Variants in RSRC1 observed in about 807,000 individuals in gnomAD.
RSRC1 encodes arginine and serine rich coiled-coil 1.
RSRC1 carries 39 observed loss-of-function variants against 49.1 expected under a neutral mutation model. That is an observed-to-expected ratio of 0.79 (90% CI 0.61 to 1.04). RSRC1 has a LOEUF of 1.04. Ranked by LOEUF, RSRC1 falls within the 50% of genes least tolerant of loss-of-function variation. RSRC1 has a pLI of 0.00. For synonymous variants in RSRC1, 143 were observed against 130.8 expected (o/e 1.09, Z -0.63); for missense variants, 388 against 402.4 (o/e 0.96, Z 0.31).
intron 7 of RSRC1, among the ~76,000 whole-genome samples, chr3:158,502,711 A>AT (rs1341892571): frequency 1.3e-5 from 2 of 151,972 alleles, no homozygotes; most frequent in Non-Finnish European, 2.9e-5. Context: ...AGTTTCCTGA[A>AT]TTTTTTATTG....
chr3:158,172,527 A>G (rs1388927716), intron 3 of RSRC1, among the ~76,000 whole-genome samples: 1 of 152,174 alleles, frequency 6.6e-6, no homozygotes, highest in Admixed American at 6.5e-5. Context: ...GAAATATGTT[A>G]GTAGCACATC....
At chr3:158,145,276 A>G (rs909701057) in intron 3 of RSRC1, among the ~76,000 whole-genome samples, 6 of 152,202 alleles carry the variant, frequency 3.9e-5, no homozygotes, top group African/African-American at 1.4e-4. Context: ...TCTAAGGTTT[A>G]AGTCTTTAAT....
chr3:158,188,170 G>T (rs1481042654), intron 3 of RSRC1, among the ~76,000 whole-genome samples: 1 of 151,722 alleles, frequency 6.6e-6, no homozygotes, highest in Non-Finnish European at 1.5e-5. Context: ...TCTCCACTCT[G>T]GCTAGTGGGA....
At chr3:158,164,047 GT>G (rs1718397442) in intron 3 of RSRC1, among the ~76,000 whole-genome samples, 1 of 152,050 alleles carries the variant, frequency 6.6e-6, no homozygotes, top group Admixed American at 6.5e-5. Flanking sequence ...TTTCTGTAAA[GT>G]ATATTTTAAA....
chr3:158,469,397 C>T (rs779379933), intron 7 of RSRC1: 1 of 447,922 alleles, frequency 2.2e-6, no homozygotes. Context: ...AAATGATTCC[C>T]ATGATGCATA....
rs1713204920 is a variant in RSRC1, at chr3:158,544,276, G to A, written c.*1G>A. The A allele has an allele frequency of 6.3e-7, 1 of 1,575,718 alleles. No homozygotes were observed. Among genetic ancestry groups the A allele is most frequent in the Non-Finnish European group, 8.7e-7 (1 of 1,148,708 alleles). Reference sequence around the variant, plus strand: ...ACTAATGGGCAGTCCTGTGGCCTAAGTAATATACATATAGTTGGATTGGAT... The same window carrying A: ...ACTAATGGGCAGTCCTGTGGCCTAAATAATATACATATAGTTGGATTGGAT... On this transcript the variant is annotated 3_prime_UTR_variant, in exon 10 of 10. Transcript: ENST00000611884.
chr3:158,302,621 TG>T (rs1578311056), intron 5 of RSRC1: 1 of 148,124 alleles, frequency 6.8e-6, no homozygotes, highest in East Asian at 2.0e-4. Flanking sequence ...AAGTTCTTCT[TG>T]TTCTATCAAA....
chr3:158,228,775 A>ATG (rs1007117667), intron 4 of RSRC1, among the ~76,000 whole-genome samples: 2 of 151,446 alleles, frequency 1.3e-5, no homozygotes, highest in East Asian at 3.9e-4. Flanking sequence ...GTATATATAT[A>ATG]TGTGTGTGTG....
intron 6 of RSRC1, among the ~76,000 whole-genome samples, chr3:158,377,352 A>G (rs545206220): frequency 1.4e-4 from 22 of 152,236 alleles, no homozygotes; most frequent in South Asian, 6.2e-4. Flanking sequence ...ATGATCCCCA[A>G]TGTTGGAGTT....
At chr3:158,262,753 C>T (rs2108038649) in intron 4 of RSRC1, among the ~76,000 whole-genome samples, 1 of 151,932 alleles carries the variant, frequency 6.6e-6, no homozygotes, top group East Asian at 1.9e-4. Context: ...TATTTTGTAG[C>T]ATATACTTTA....
At chr3:158,264,944 C>A (rs572186259) in intron 4 of RSRC1, among the ~76,000 whole-genome samples, 1 of 152,354 alleles carries the variant, frequency 6.6e-6, no homozygotes, top group East Asian at 1.9e-4. Context: ...CCTTTACAGG[C>A]ATGTGCTAAT....
intron 3 of RSRC1, among the ~76,000 whole-genome samples, chr3:158,189,066 C>T (rs1389510620): frequency 6.6e-6 from 1 of 151,710 alleles, no homozygotes; most frequent in Non-Finnish European, 1.5e-5. Flanking sequence ...ATTGTGATTT[C>T]TTCTTTCCCA....
At chr3:158,127,938 T>C (rs1715740769) in intron 3 of RSRC1, among the ~76,000 whole-genome samples, 1 of 152,150 alleles carries the variant, frequency 6.6e-6, no homozygotes, top group Admixed American at 6.5e-5. Context: ...CTCTGGCACC[T>C]CTCCAAAATG....
chr3:158,211,102 A>G (rs1350159394), intron 4 of RSRC1, among the ~76,000 whole-genome samples: 2 of 152,068 alleles, frequency 1.3e-5, no homozygotes, highest in Non-Finnish European at 2.9e-5. Context: ...GTTTCATTAC[A>G]TGGTCTATAA....
chr3:158,139,416 A>AG (rs1166136760), intron 3 of RSRC1, among the ~76,000 whole-genome samples: 1 of 152,016 alleles, frequency 6.6e-6, no homozygotes, highest in Non-Finnish European at 1.5e-5. Context: ...GAAAAAAAAA[A>AG]ATTTTATTTT....
intron 3 of RSRC1, among the ~76,000 whole-genome samples, chr3:158,164,137 CT>C (rs1263885620): frequency 6.6e-6 from 1 of 152,008 alleles, no homozygotes; most frequent in Non-Finnish European, 1.5e-5. Flanking sequence ...TGAATTTTGC[CT>C]GTTGAATGCA....
intron 6 of RSRC1, among the ~76,000 whole-genome samples, chr3:158,404,335 C>T (rs1193972815): frequency 6.6e-6 from 1 of 151,866 alleles, no homozygotes; most frequent in Non-Finnish European, 1.5e-5. Flanking sequence ...GTTTTTCATT[C>T]CAGCAAATCT....
intron 4 of RSRC1, among the ~76,000 whole-genome samples, chr3:158,207,138 G>A (rs956266871): frequency 1.3e-5 from 2 of 152,042 alleles, no homozygotes; most frequent in African/African-American, 4.8e-5. Flanking sequence ...GCCTCTTAAC[G>A]ACACACTATC....
chr3:158,234,308 T>G (rs958545631), intron 4 of RSRC1, among the ~76,000 whole-genome samples: 13 of 152,108 alleles, frequency 8.5e-5, no homozygotes, highest in African/African-American at 3.1e-4. Flanking sequence ...ATCGGGAGAT[T>G]TAAAGGTTAA....
Sources: allele counts gnomAD v4.1 joint callset (sites outside exome capture counted in the v4.1 genomes callset), GRCh38; gene constraint gnomAD v4.1.1; transcripts MANE v1.5; gene names NCBI Gene and HGNC (gene_info 2026-07-23, HGNC 2026-07-21).